CLINT1: variants seen among roughly 807,000 people sequenced by gnomAD.
CLINT1 encodes clathrin interacting protein localized in the trans-Golgi region.
CLINT1 carries 15 observed loss-of-function variants against 70.4 expected under a neutral mutation model. The ratio of observed to expected loss-of-function variants is 0.21; its 90% CI spans 0.14 to 0.33. CLINT1 has a LOEUF of 0.33. CLINT1 is among the 10% of genes least tolerant of loss of function. The pLI is 1.00. For missense variants in CLINT1, 615 were observed against 778.1 expected (o/e 0.79, Z 2.49); for synonymous variants, 227 against 254.7 (o/e 0.89, Z 1.04).
chr5:157,821,121 A>C (rs1240321156), intron 1 of CLINT1, among the ~76,000 whole-genome samples: 2 of 152,164 alleles, frequency 1.3e-5, no homozygotes, highest in Non-Finnish European at 2.9e-5. Flanking sequence ...TTGAAGGCTC[A>C]AAGTCTTTGG....
At chr5:157,796,530 T>C (rs566923327) in intron 8 of CLINT1, among the ~76,000 whole-genome samples, 1 of 152,292 alleles carries the variant, frequency 6.6e-6, no homozygotes, top group South Asian at 2.1e-4. Context: ...TATGTGAACA[T>C]TATATAGGTT....
At chr5:157,829,322 G>T (rs1316953550) in intron 1 of CLINT1, among the ~76,000 whole-genome samples, 1 of 152,060 alleles carries the variant, frequency 6.6e-6, no homozygotes, top group East Asian at 1.9e-4. Flanking sequence ...AAACTTCCAA[G>T]ATTTTCATTT....
chr5:157,799,789 T>G (rs1762160527), intron 8 of CLINT1, among the ~76,000 whole-genome samples: 1 of 152,116 alleles, frequency 6.6e-6, no homozygotes. Flanking sequence ...CAAACCTAGT[T>G]AGCCTACTAC....
At chr5:157,833,845 G>GT (rs2113275810) in intron 1 of CLINT1, among the ~76,000 whole-genome samples, 1 of 152,226 alleles carries the variant, frequency 6.6e-6, no homozygotes, top group East Asian at 1.9e-4. Context: ...GGAGGCTGAG[G>GT]TGGGAGGATC....
At chr5:157,810,704 A>C (rs1030365712) in intron 5 of CLINT1, among the ~76,000 whole-genome samples, 1 of 152,226 alleles carries the variant, frequency 6.6e-6, no homozygotes, top group Non-Finnish European at 1.5e-5. Flanking sequence ...CAACAGTAGA[A>C]GGTACAGAGA....
intron 1 of CLINT1, among the ~76,000 whole-genome samples, chr5:157,851,860 C>T (rs1753588857): frequency 6.6e-6 from 1 of 152,092 alleles, no homozygotes; most frequent in South Asian, 2.1e-4. Context: ...TTGGCTCAAA[C>T]ATAGGAATAT....
At chr5:157,802,332 G>A (rs1240992110) in intron 8 of CLINT1, among the ~76,000 whole-genome samples, 2 of 152,272 alleles carry the variant, frequency 1.3e-5, no homozygotes, top group Admixed American at 1.3e-4. Context: ...TTAAACAGAA[G>A]ATGTATTTGT....
rs532376889 is a variant in CLINT1 at position 157,827,773 on chromosome 5, T to G, written c.42-10226A>C. ...TTCAGATTTTGCCCATTTTCAGATA[T>G]TAAAATGAACCTAGACCCCAGAAAC... On this transcript the variant is annotated intron_variant, in intron 1 of 11. Coordinates refer to ENST00000411809, the MANE Select transcript of CLINT1 (RefSeq NM_014666.4). Among the ~76,000 whole-genome samples, 23 of 152,326 alleles carry G rather than the reference T, an allele frequency of 1.5e-4. No individual in the cohort carries two copies. The South Asian group carries it at 4.6e-3, about 30-fold the overall frequency.
At position 157,851,976 on chromosome 5, in the gene CLINT1, A is replaced by G. The variant is rs557287858; in HGVS notation, c.41+6954T>C. On this transcript the variant is annotated intron_variant, in intron 1 of 11. Coordinates refer to ENST00000411809, the MANE Select transcript of CLINT1 (RefSeq NM_014666.4). ...TGAATAACCAGAAAGCCCTTTCTCC[A>G]ATGTGCTTTCCTTGTATATACTGTT... Among the ~76,000 whole-genome samples the G allele has an allele frequency of 9.2e-5, 14 of 152,328 alleles. 1 individual carries two copies. In the East Asian group the frequency reaches 2.7e-3, roughly 29 times the overall value.
chr5:157,793,003 C>T (rs1234261449), intron 9 of CLINT1, among the ~76,000 whole-genome samples: 1 of 152,096 alleles, frequency 6.6e-6, no homozygotes, highest in African/African-American at 2.4e-5. Context: ...AGTGACCAAC[C>T]ACTACAATAC....
chr5:157,856,515 C>T (rs1753764650), intron 1 of CLINT1, among the ~76,000 whole-genome samples: 6 of 152,204 alleles, frequency 3.9e-5, no homozygotes, highest in Admixed American at 3.9e-4. Context: ...TTGCAAGTTC[C>T]TTCATCATTT....
intron 5 of CLINT1, among the ~76,000 whole-genome samples, 159 bp from the exon 6 acceptor site, chr5:157,809,964 T>C (rs1262271291): frequency 6.6e-6 from 1 of 152,206 alleles, no homozygotes. Context: ...CAGCAAGGCA[T>C]AGCATGTAAT....
intron 1 of CLINT1, among the ~76,000 whole-genome samples, chr5:157,834,549 CT>C (rs1167750241): frequency 1.3e-5 from 2 of 152,132 alleles, no homozygotes; most frequent in African/African-American, 4.8e-5. Context: ...CCTATCTAGC[CT>C]TTTCTCTCAT....
intron 5 of CLINT1, among the ~76,000 whole-genome samples, chr5:157,810,386 T>C (rs1290746876): frequency 2.6e-5 from 4 of 152,178 alleles, no homozygotes; most frequent in Non-Finnish European, 4.4e-5. Flanking sequence ...CCGTAATTAC[T>C]GTACAAAGAA....
intron 1 of CLINT1, among the ~76,000 whole-genome samples, chr5:157,829,970 A>G (rs892756055): frequency 5.9e-5 from 9 of 151,700 alleles, no homozygotes; most frequent in African/African-American, 2.2e-4. Context: ...TTCTTTAGAG[A>G]CAGGGTCTTG....
At chr5:157,854,420 C>A (rs1200089887) in intron 1 of CLINT1, among the ~76,000 whole-genome samples, 1 of 152,016 alleles carries the variant, frequency 6.6e-6, no homozygotes, top group Non-Finnish European at 1.5e-5. Flanking sequence ...CCCTTCTCCA[C>A]AAAAAAATTT....
chr5:157,791,887 G>T lies in CLINT1; in HGVS notation c.1196C>A (p.Pro399Gln), dbSNP rs774904374. 6 of 1,613,962 alleles carry T rather than the reference G, an allele frequency of 3.7e-6. No homozygotes were observed. Among genetic ancestry groups the T allele is most frequent in the Non-Finnish European group, 5.1e-6 (6 of 1,179,864 alleles). Residue 399 changes from proline to glutamine, a missense_variant, in exon 10 of 12, where the codon CCA (proline) becomes CAA (glutamine). This residue lies in a region of CLINT1 where 374 missense variants were observed against 409.6 expected (regional missense o/e 0.91). Coordinates refer to ENST00000411809, the MANE Select transcript of CLINT1 (RefSeq NM_014666.4). ...TGAGCCACTAACAAGTTCTACCGCTGGCTGTGAGGCACTGCCAAAGAACTC... is the reference window on the plus strand; with the variant it reads ...TGAGCCACTAACAAGTTCTACCGCTTGCTGTGAGGCACTGCCAAAGAACTC... ...SGEFFGSASQ[P>Q]AVELVSGSQS... is the part of the protein sequence containing the mutation.
chr5:157,812,125 AGT>A (rs892033969), intron 5 of CLINT1, among the ~76,000 whole-genome samples: 5 of 151,622 alleles, frequency 3.3e-5, no homozygotes, highest in African/African-American at 1.2e-4. Flanking sequence ...AACTAAACGC[AGT>A]GTTTTTTCTT....
rs186355532 is a variant in CLINT1, at chr5:157,845,850, G to A, written c.41+13080C>T. On this transcript the variant is annotated intron_variant, in intron 1 of 11. Coordinates refer to ENST00000411809, the MANE Select transcript of CLINT1 (RefSeq NM_014666.4). Reference sequence around the variant, plus strand: ...ATTACAGGCGTAAGCCACCATGCCCGGCCGCATTTTAGTAATTCTTACAAT... The same window carrying A: ...ATTACAGGCGTAAGCCACCATGCCCAGCCGCATTTTAGTAATTCTTACAAT... Among the ~76,000 whole-genome samples the A allele has an allele frequency of 3.1e-3, 474 of 152,208 alleles. 2 individuals carry two copies. The highest frequency in any genetic ancestry group is 0.011 in the African/African-American group (443 of 41,532).
Sources: gnomAD v4.1 joint callset for allele counts (sites outside exome capture counted in the v4.1 genomes callset) on GRCh38, gnomAD v4.1.1 for gene constraint, gnomAD v4.1.1 regional missense constraint, MANE v1.5 for transcripts, NCBI Gene and HGNC (gene_info 2026-07-23, HGNC 2026-07-21) for gene names.